Variants in GNAQ observed in about 807,000 individuals in gnomAD.
The protein encoded by GNAQ is guanine nucleotide-binding protein G(q) subunit alpha.
Under a neutral mutation model 43.9 loss-of-function variants are expected in GNAQ, and 8 were observed. The observed-to-expected ratio is 0.18, with a 90% CI of 0.11 to 0.33. The LOEUF is 0.33. Among genes scored for constraint, GNAQ ranks in the 10% least tolerant of loss-of-function variants. The pLI, the probability that GNAQ is intolerant of heterozygous loss-of-function variation, is 1.00. For missense variants in GNAQ, 158 were observed against 450.8 expected (o/e 0.35, Z 5.88); for synonymous variants, 155 against 170.7 (o/e 0.91, Z 0.71).
chr9:77,788,202 T>A (rs1022716975), intron 5 of GNAQ, among the ~76,000 whole-genome samples: 1 of 150,892 alleles, frequency 6.6e-6, no homozygotes, highest in Non-Finnish European at 1.5e-5. Context: ...TCCTTAGGGG[T>A]TGGGGTGAGA....
chr9:77,811,364 GAT>G (rs1826920939), intron 3 of GNAQ, among the ~76,000 whole-genome samples: 1 of 151,386 alleles, frequency 6.6e-6, no homozygotes, highest in African/African-American at 2.4e-5. Flanking sequence ...AAAATATAAA[GAT>G]ATGAAAAAAA....
chr9:77,973,771 T>C (rs1201258937), intron 1 of GNAQ, among the ~76,000 whole-genome samples: 2 of 152,144 alleles, frequency 1.3e-5, no homozygotes, highest in African/African-American at 4.8e-5. Context: ...TGAGCTGAGA[T>C]TGTGCCACTG....
chr9:77,862,857 A>T (rs879315875), intron 2 of GNAQ, among the ~76,000 whole-genome samples: 2 of 152,194 alleles, frequency 1.3e-5, no homozygotes, highest in Non-Finnish European at 2.9e-5. Context: ...AACAGGACCC[A>T]AGTCACTTCT....
intron 1 of GNAQ, among the ~76,000 whole-genome samples, chr9:77,967,905 G>A (rs1046735702): frequency 2.0e-5 from 3 of 152,126 alleles, no homozygotes; most frequent in African/African-American, 7.2e-5. Context: ...GCTTGAACTT[G>A]GGAGGCGGAG....
chr9:77,818,044 C>T (rs1827050178), intron 2 of GNAQ, among the ~76,000 whole-genome samples: 3 of 152,076 alleles, frequency 2.0e-5, no homozygotes, highest in Non-Finnish European at 4.4e-5. Flanking sequence ...AAAAAACTGT[C>T]TTGTGAGAAA....
intron 2 of GNAQ, among the ~76,000 whole-genome samples, chr9:77,850,524 C>A (rs911184188): frequency 3.3e-5 from 5 of 152,294 alleles, no homozygotes; most frequent in African/African-American, 1.2e-4. Flanking sequence ...AATGATTTCT[C>A]GGGAACGTAA....
intron 2 of GNAQ, among the ~76,000 whole-genome samples, chr9:77,867,162 C>T (rs1340045335): frequency 6.6e-6 from 1 of 152,158 alleles, no homozygotes; most frequent in Non-Finnish European, 1.5e-5. Context: ...CTACAATGCC[C>T]CTGGCCCCCA....
At chr9:77,956,762 T>C (rs780593915) in intron 1 of GNAQ, among the ~76,000 whole-genome samples, 10 of 152,170 alleles carry the variant, frequency 6.6e-5, no homozygotes, top group Non-Finnish European at 1.5e-4. Flanking sequence ...ATATGCAATA[T>C]GTACTCAACA....
chr9:77,893,077 G>A (rs1310870825), intron 2 of GNAQ, among the ~76,000 whole-genome samples: 1 of 152,148 alleles, frequency 6.6e-6, no homozygotes, highest in Non-Finnish European at 1.5e-5. Flanking sequence ...GGGTCATGAT[G>A]TCAAAGGGTT....
At chr9:77,983,319 T>C (rs1279652792) in intron 1 of GNAQ, among the ~76,000 whole-genome samples, 1 of 152,202 alleles carries the variant, frequency 6.6e-6, no homozygotes, top group Non-Finnish European at 1.5e-5. Context: ...GCTGACCTAT[T>C]AGTAGCCAAC....
intron 3 of GNAQ, among the ~76,000 whole-genome samples, chr9:77,808,755 A>G (rs1254588972): frequency 1.3e-5 from 2 of 152,124 alleles, no homozygotes; most frequent in South Asian, 2.1e-4. Context: ...CGCTTAGTCA[A>G]TGCCCCCGAG....
At position 77,822,900 on chromosome 9, in the gene GNAQ, C is replaced by A. The variant is rs376796312; in HGVS notation, c.322-7130G>T. 2.2e-4 allele frequency among the ~76,000 whole-genome samples: 34 copies of A among 151,516 alleles called. 3 individuals carry two copies. The highest frequency in any genetic ancestry group is 8.2e-4 in the African/African-American group (34 of 41,354). ...GAAACAAAAACAATACCTCTTTATC[C>A]TATGAAAAACGGTAATGAAGCATTT... On this transcript the variant is annotated intron_variant, in intron 2 of 6. Coordinates refer to ENST00000286548, the MANE Select transcript of GNAQ (RefSeq NM_002072.5).
chr9:77,862,048 G>A (rs1400965251), intron 2 of GNAQ, among the ~76,000 whole-genome samples: 1 of 150,974 alleles, frequency 6.6e-6, no homozygotes, highest in Non-Finnish European at 1.5e-5. Context: ...GACTCCCATG[G>A]TCTTGGACAG....
chr9:77,730,562 T>C (rs528439699), intron 5 of GNAQ, among the ~76,000 whole-genome samples: 2 of 152,342 alleles, frequency 1.3e-5, no homozygotes, highest in East Asian at 1.9e-4. Flanking sequence ...CAAAAGTCCA[T>C]TGTCCCCAAT....
intron 2 of GNAQ, among the ~76,000 whole-genome samples, chr9:77,916,728 C>T (rs1828912815): frequency 6.6e-6 from 1 of 151,718 alleles, no homozygotes; most frequent in Non-Finnish European, 1.5e-5. Context: ...CCCTGGTTAT[C>T]AGGACTTTCA....
chr9:77,880,555 G>GTTTTT (rs55926441), intron 2 of GNAQ, among the ~76,000 whole-genome samples: 2 of 141,494 alleles, frequency 1.4e-5, no homozygotes, highest in Non-Finnish European at 1.5e-5. Flanking sequence ...GATTTTTTCT[G>GTTTTT]TTTTTTTTTT....
chr9:77,939,693 T>G (rs1303124297), intron 1 of GNAQ, among the ~76,000 whole-genome samples: 2 of 152,234 alleles, frequency 1.3e-5, no homozygotes, highest in Non-Finnish European at 2.9e-5. Context: ...GAATTTTGAT[T>G]TCAACCTAAT....
At chr9:77,929,808 C>T (rs567790830) in intron 1 of GNAQ, among the ~76,000 whole-genome samples, 9 of 152,138 alleles carry the variant, frequency 5.9e-5, no homozygotes, top group South Asian at 2.1e-4. Flanking sequence ...CTGGCCTGGG[C>T]GACAAAGCAA....
At chr9:77,937,199 T>G (rs912944260) in intron 1 of GNAQ, among the ~76,000 whole-genome samples, 1 of 152,290 alleles carries the variant, frequency 6.6e-6, no homozygotes, top group East Asian at 1.9e-4. Context: ...TCCCAGCACT[T>G]TGGGAGGCCA....
Sources: gnomAD v4.1 joint callset for allele counts (sites outside exome capture counted in the v4.1 genomes callset) on GRCh38, gnomAD v4.1.1 for gene constraint, MANE v1.5 for transcripts, NCBI Gene and HGNC (gene_info 2026-07-23, HGNC 2026-07-21) for gene names.